Variants in SHROOM4 observed in about 807,000 individuals in gnomAD.
SHROOM4 encodes the protein shroom family member 4.
A neutral mutation model predicts 80.3 loss-of-function variants in SHROOM4; 17 were observed. The observed-to-expected ratio is 0.21, with a 90% CI of 0.14 to 0.32. SHROOM4 has a LOEUF of 0.32. SHROOM4 is among the 10% of genes least tolerant of loss of function. The pLI, the probability that SHROOM4 is intolerant of heterozygous loss-of-function variation, is 1.00. For missense variants in SHROOM4, 993 were observed against 1,140.3 expected, an observed-to-expected ratio of 0.87 and a Z score of 1.86; for synonymous variants, 400 against 437.5, an observed-to-expected ratio of 0.91 and a Z score of 1.07.
chrX:50,794,958 G>C (rs900869995), intron 1 of SHROOM4, among the ~76,000 whole-genome samples: 18 of 95,587 alleles, frequency 1.9e-4, no homozygotes, highest in Non-Finnish European at 2.8e-4. Context: ...ATATAGGTGT[G>C]TGCATATATA....
intron 1 of SHROOM4, among the ~76,000 whole-genome samples, chrX:50,723,338 G>A (rs1602463292): frequency 1.6e-5 from 1 of 61,685 alleles, no homozygotes; most frequent in Non-Finnish European, 3.1e-5. Flanking sequence ...AGGGGGAGGA[G>A]GGGGAGAGGG....
intron 1 of SHROOM4, among the ~76,000 whole-genome samples, chrX:50,697,360 C>T (rs1241982265): frequency 8.1e-5 from 9 of 111,518 alleles, no homozygotes; most frequent in Non-Finnish European, 1.5e-4. Flanking sequence ...TCCAATCTCT[C>T]TCTCAGTCTT....
intron 2 of SHROOM4, among the ~76,000 whole-genome samples, chrX:50,649,066 G>A (rs1470862657): frequency 1.8e-5 from 2 of 112,009 alleles, no homozygotes; most frequent in Non-Finnish European, 3.8e-5. Flanking sequence ...GAGCAGAAAG[G>A]AAGAATGTGA....
At chrX:50,627,939 TC>T (rs1930875139) in intron 4 of SHROOM4, among the ~76,000 whole-genome samples, 1 of 111,955 alleles carries the variant, frequency 8.9e-6, no homozygotes, top group Admixed American at 9.4e-5. Context: ...TCCCTCTTTC[TC>T]CACTCCCCTC....
At chrX:50,775,286 A>G (rs1935480497) in intron 1 of SHROOM4, among the ~76,000 whole-genome samples, 1 of 111,796 alleles carries the variant, frequency 8.9e-6, no homozygotes, top group South Asian at 3.8e-4. Context: ...AGGACAGTCA[A>G]TGGTATCTAA....
At chrX:50,756,571 A>G (rs1244188396) in intron 1 of SHROOM4, among the ~76,000 whole-genome samples, 1 of 112,342 alleles carries the variant, frequency 8.9e-6, no homozygotes, top group Non-Finnish European at 1.9e-5. Context: ...AGAAACTGCT[A>G]AACTGTTTTC....
At chrX:50,813,176 G>GGCGGCGGCGGCGGCGGCA (rs1448590722) in intron 1 of SHROOM4, among the ~76,000 whole-genome samples, 1 of 109,256 alleles carries the variant, frequency 9.2e-6, no homozygotes, top group Admixed American at 9.7e-5. Flanking sequence ...CGGCGGCGGC[G>GGCGGCGGCGGCGGCGGCA]GCGGCGGCGG....
At chrX:50,745,087 C>T (rs921597611) in intron 1 of SHROOM4, among the ~76,000 whole-genome samples, 11 of 111,489 alleles carry the variant, frequency 9.9e-5, no homozygotes, top group Non-Finnish European at 1.9e-4. Context: ...CTGGTAGCTC[C>T]CACACAGGTT....
At chrX:50,581,509 GT>G in the SHROOM4 span, among the ~76,000 whole-genome samples, 2 of 111,395 alleles carry the variant, frequency 1.8e-5, no homozygotes, top group African/African-American at 6.5e-5. Context: ...ACCAAGGAGG[GT>G]GGTGTAAAGA....
intron 2 of SHROOM4, among the ~76,000 whole-genome samples, chrX:50,660,558 C>CCCTCCCTCCCTCCCTCCCTT (rs1932467907): frequency 1.8e-5 from 1 of 55,865 alleles, no homozygotes; most frequent in African/African-American, 7.0e-5. Context: ...CTCTCTCCCT[C>CCCTCCCTCCCTCCCTCCCTT]CCTCCCTCCC....
At chrX:50,652,562 G>C (rs141921116) in intron 2 of SHROOM4, among the ~76,000 whole-genome samples, 2,062 of 111,667 alleles carry the variant, frequency 0.018, 41 homozygotes, top group African/African-American at 0.063. Context: ...CTGTGCAGAA[G>C]CTCTTTAGTT....
At chrX:50,598,171 A>G (rs986940020) in intron 8 of SHROOM4, 95 bp downstream of exon 8, 36 of 1,104,314 alleles carry the variant, frequency 3.3e-5, no homozygotes, top group Non-Finnish European at 4.0e-5. Context: ...CCCATGCTCT[A>G]CTGTTTCCTA....
intron 1 of SHROOM4, among the ~76,000 whole-genome samples, chrX:50,776,421 A>T (rs998400612): frequency 1.8e-5 from 2 of 111,545 alleles, no homozygotes; most frequent in Non-Finnish European, 3.8e-5. Flanking sequence ...AGTGGCTTAG[A>T]TCATCTATTC....
Position 50,634,894 on chromosome X carries a change from C to T in SHROOM4, c.1179G>A (p.Lys393=). 1 of 1,206,691 alleles carries T rather than the reference C, an allele frequency of 8.3e-7. No individual in the cohort carries two copies. Among genetic ancestry groups the T allele is most frequent in the Admixed American group, 2.2e-5 (1 of 45,368 alleles). Residue 393 remains lysine, a synonymous_variant, in exon 4 of 9, where the codon AAG becomes AAA. Coordinates refer to ENST00000376020, the MANE Select transcript of SHROOM4 (RefSeq NM_020717.5). Reference sequence around the variant, plus strand: ...GATGTGGAGGTCTGCCAAAAGAAGCCTTAGCTAGCTCTGCAGAAGCCTCAT... The same window carrying T: ...GATGTGGAGGTCTGCCAAAAGAAGCTTTAGCTAGCTCTGCAGAAGCCTCAT... ...PLNEASAELA[K]ASFGRPPHLI...
rs782591424 is a variant in SHROOM4, at chrX:50,610,352, T to TCTCTCTCTCTCACACACACACACACA, written c.2958-2169_2958-2168insTGTGTGTGTGTGTGTGAGAGAGAGAG. On this transcript the variant is annotated intron_variant, in intron 5 of 8. Coordinates refer to ENST00000376020, the MANE Select transcript of SHROOM4 (RefSeq NM_020717.5). ...GGCATATTCTCTCTCTCTCTCTCTCTCACACACACACACACACACACACAC... is the reference window on the plus strand; with the variant it reads ...GGCATATTCTCTCTCTCTCTCTCTCTCTCTCTCTCTCACACACACACACACACACACACACACACACACACACACAC... Among the ~76,000 whole-genome samples the TCTCTCTCTCTCACACACACACACACA allele has an allele frequency of 5.4e-3, 497 of 91,637 alleles. 4 individuals are homozygous for TCTCTCTCTCTCACACACACACACACA. Among genetic ancestry groups the TCTCTCTCTCTCACACACACACACACA allele is most frequent in the African/African-American group, 0.022 (481 of 21,800 alleles). The allele number at this position is 91,637 out of a possible 115,157, so 79.6% of individuals were successfully genotyped here. A position where few individuals can be genotyped will look rare whatever the true frequency, so the allele number is the denominator to read the frequency against.
At chrX:50,813,151 C>CAGT (rs1936377395) in intron 1 of SHROOM4, among the ~76,000 whole-genome samples, 4 of 91,213 alleles carry the variant, frequency 4.4e-5, no homozygotes, top group African/African-American at 1.5e-4. Flanking sequence ...GCGGCGGCGG[C>CAGT]GGCGGCAGTG....
intron 2 of SHROOM4, chrX:50,649,661 C>G (rs782745702): frequency 1.8e-5 from 2 of 111,928 alleles, no homozygotes; most frequent in Non-Finnish European, 3.8e-5. Flanking sequence ...GCTGACATAA[C>G]TAAAATTGCA....
At chrX:50,612,923 A>G (rs182801053) in intron 5 of SHROOM4, among the ~76,000 whole-genome samples, 28 of 111,451 alleles carry the variant, frequency 2.5e-4, no homozygotes, top group Admixed American at 2.2e-3. Flanking sequence ...AAAAGCCAAT[A>G]TTGTGCTTAA....
At chrX:50,584,329 T>C (rs1217407015), downstream of SHROOM4, among the ~76,000 whole-genome samples, 1 of 112,549 alleles carries the variant, frequency 8.9e-6, no homozygotes, top group Admixed American at 9.4e-5. Context: ...AAGCCAAAGC[T>C]ATAAATGAAT....
Sources: allele counts gnomAD v4.1 joint callset (sites outside exome capture counted in the v4.1 genomes callset), GRCh38; gene constraint gnomAD v4.1.1; transcripts MANE v1.5; gene names NCBI Gene and HGNC (gene_info 2026-07-23, HGNC 2026-07-21).